PRKG1: variants seen among roughly 807,000 people sequenced by gnomAD.
PRKG1 encodes the protein cGMP-dependent protein kinase 1.
PRKG1 carries 35 observed loss-of-function variants against 88.1 expected under a neutral mutation model. That is an observed-to-expected ratio of 0.40 (90% CI 0.30 to 0.53). The LOEUF (loss-of-function observed/expected upper bound fraction) is 0.53. PRKG1 is among the 20% of genes least tolerant of loss of function. PRKG1 has a pLI of 0.59. For missense variants in PRKG1, 540 were observed against 839.8 expected, an observed-to-expected ratio of 0.64 and a Z score of 4.41; for synonymous variants, 303 against 292.5, an observed-to-expected ratio of 1.04 and a Z score of -0.37.
At chr10:51,024,779 C>T (rs1023787212) in intron 1 of PRKG1, among the ~76,000 whole-genome samples, 4 of 152,016 alleles carry the variant, frequency 2.6e-5, no homozygotes, top group African/African-American at 4.8e-5. Flanking sequence ...CGGGTAGGTA[C>T]GACACACTTT....
intron 3 of PRKG1, among the ~76,000 whole-genome samples, chr10:51,554,197 T>C (rs927824858): frequency 6.8e-6 from 1 of 146,714 alleles, no homozygotes; most frequent in South Asian, 2.1e-4. Context: ...ATTATATATG[T>C]GCGTATGTGA....
chr10:51,337,705 G>A lies in PRKG1; in HGVS notation c.479-130018G>A, dbSNP rs79973253. Among the ~76,000 whole-genome samples, 1,260 of 152,186 alleles carry A rather than the reference G, an allele frequency of 8.3e-3. 17 individuals are homozygous for A. Among genetic ancestry groups the A allele is most frequent in the African/African-American group, 0.029 (1,202 of 41,536 alleles). On this transcript the variant is annotated intron_variant, in intron 2 of 17. Coordinates refer to ENST00000373980, the MANE Select transcript of PRKG1 (RefSeq NM_006258.4). ...CAAATCAAAACCACGATGAGATACC[G>A]TCTCATGCTGGTCAGAACAATGATT...
intron 4 of PRKG1, among the ~76,000 whole-genome samples, chr10:51,816,719 G>C (rs934779553): frequency 1.2e-4 from 19 of 152,020 alleles, no homozygotes; most frequent in African/African-American, 3.6e-4. Flanking sequence ...TTATGCTAAA[G>C]CCCAGAAGAA....
intron 3 of PRKG1, among the ~76,000 whole-genome samples, chr10:51,756,435 C>A (rs1589261188): frequency 6.8e-6 from 1 of 146,516 alleles, no homozygotes; most frequent in African/African-American, 2.6e-5. Context: ...CATGGTGAGA[C>A]GAGGTTGTGC....
At chr10:51,136,376 G>T (rs923672197) in intron 1 of PRKG1, among the ~76,000 whole-genome samples, 8 of 152,022 alleles carry the variant, frequency 5.3e-5, no homozygotes, top group Non-Finnish European at 1.2e-4. Context: ...GAAAAAGCTA[G>T]GGTGTGAGAT....
intron 3 of PRKG1, among the ~76,000 whole-genome samples, chr10:51,494,199 A>G (rs952758205): frequency 1.3e-5 from 2 of 152,178 alleles, no homozygotes; most frequent in Admixed American, 6.5e-5. Flanking sequence ...CTGGGATTAC[A>G]GACCTGAGGC....
intron 1 of PRKG1, among the ~76,000 whole-genome samples, chr10:51,008,930 T>C (rs1842965216): frequency 6.6e-6 from 1 of 152,196 alleles, no homozygotes; most frequent in African/African-American, 2.4e-5. Flanking sequence ...TCAAAGGATA[T>C]GGTGTTGATT....
At chr10:51,568,927 G>A (rs1020340998) in intron 3 of PRKG1, 5 of 152,072 alleles carry the variant, frequency 3.3e-5, no homozygotes, top group African/African-American at 1.2e-4. Flanking sequence ...GTGGCTATGA[G>A]GATAGGGAGG....
intron 1 of PRKG1, among the ~76,000 whole-genome samples, chr10:51,045,951 G>T (rs989935365): frequency 1.3e-5 from 2 of 152,116 alleles, no homozygotes; most frequent in Admixed American, 6.5e-5. Context: ...ATGTTGAAAT[G>T]TTGTAAAACA....
chr10:51,566,152 G>A (rs1296127829), intron 3 of PRKG1, among the ~76,000 whole-genome samples: 1 of 152,034 alleles, frequency 6.6e-6, no homozygotes, highest in East Asian at 1.9e-4. Flanking sequence ...CCTAAGGAGG[G>A]AGAAATTATG....
At chr10:52,268,383 C>T (rs1442860021) in intron 10 of PRKG1, among the ~76,000 whole-genome samples, 1 of 152,008 alleles carries the variant, frequency 6.6e-6, no homozygotes, top group African/African-American at 2.4e-5. Flanking sequence ...TTCTCATTAT[C>T]CTCTTTCTAC....
intron 4 of PRKG1, among the ~76,000 whole-genome samples, chr10:51,884,863 G>C (rs1383620066): frequency 1.3e-5 from 2 of 152,158 alleles, no homozygotes; most frequent in African/African-American, 4.8e-5. Flanking sequence ...CATTCAAAGG[G>C]AGGGGAGTTA....
intron 1 of PRKG1, among the ~76,000 whole-genome samples, chr10:51,087,185 AT>A (rs57502018): frequency 1.3e-5 from 2 of 151,368 alleles, no homozygotes; most frequent in African/African-American, 4.9e-5. Context: ...TTTTTTCTTC[AT>A]TTTTTTTCTG....
rs1360329792 is a variant in PRKG1 at position 51,074,751 on chromosome 10, G to A, written c.161G>A (p.Arg54Gln). ...NELDKYRSVI[R>Q]PATQQAQKQS... is the part of the protein sequence containing the mutation. ...CTGGACAAGTACCGCTCGGTGATCC[G>A]ACCAGCCACCCAGCAGGCGCAGAAG... is the stretch of plus-strand genomic sequence containing the variant. Residue 54 changes from arginine to glutamine, a missense_variant, in exon 1 of 18, where the codon CGA becomes CAA. This residue lies in a region of PRKG1 where 400 missense variants were observed against 562.7 expected (regional missense o/e 0.71). Transcript: ENST00000373980. The A allele has an allele frequency of 6.2e-6, 10 of 1,614,008 alleles. No homozygotes were observed. Among genetic ancestry groups the A allele is most frequent in the Non-Finnish European group, 8.5e-6 (10 of 1,179,954 alleles).
At chr10:51,659,157 A>G (rs1382472879) in intron 3 of PRKG1, among the ~76,000 whole-genome samples, 5 of 152,172 alleles carry the variant, frequency 3.3e-5, no homozygotes, top group African/African-American at 7.2e-5. Flanking sequence ...TGCTTTTTAT[A>G]TAATTCAAGT....
chr10:52,031,994 GTATT>G (rs1018193680), intron 5 of PRKG1, among the ~76,000 whole-genome samples: 4 of 152,114 alleles, frequency 2.6e-5, no homozygotes, highest in Admixed American at 6.5e-5. Flanking sequence ...GGGAGAGGGG[GTATT>G]TAAACAGTCA....
At chr10:51,891,607 G>A (rs1359732523) in intron 4 of PRKG1, among the ~76,000 whole-genome samples, 3 of 152,106 alleles carry the variant, frequency 2.0e-5, no homozygotes, top group East Asian at 1.9e-4. Context: ...ATTGGACACC[G>A]TACCTGACCT....
chr10:51,463,738 G>A (rs34276950), intron 2 of PRKG1, among the ~76,000 whole-genome samples: 3,608 of 152,230 alleles, frequency 0.024, 142 homozygotes, highest in African/African-American at 0.081. Context: ...TAGTAAATTA[G>A]CTTAACCAAT....
chr10:51,218,451 A>G (rs1161430188), intron 2 of PRKG1, among the ~76,000 whole-genome samples: 2 of 144,278 alleles, frequency 1.4e-5, no homozygotes, highest in Non-Finnish European at 3.0e-5. Flanking sequence ...AATGACTAGC[A>G]TATTTTGAAG....
Sources: allele counts gnomAD v4.1 joint callset (sites outside exome capture counted in the v4.1 genomes callset), GRCh38; gene constraint gnomAD v4.1.1; regional missense constraint gnomAD v4.1.1; transcripts MANE v1.5; gene names NCBI Gene and HGNC (gene_info 2026-07-23, HGNC 2026-07-21).